Variants in SPIDR observed in about 807,000 individuals in gnomAD.
The protein encoded by SPIDR is DNA repair-scaffolding protein.
SPIDR carries 93 observed loss-of-function variants against 104.6 expected under a neutral mutation model. That is an observed-to-expected ratio of 0.89 (90% CI 0.75 to 1.06). The LOEUF is 1.06. Ranked by LOEUF, SPIDR falls within the 50% of genes least tolerant of loss-of-function variation. The pLI, the probability that SPIDR is intolerant of heterozygous loss-of-function variation, is 0.00. For synonymous variants in SPIDR, 431 were observed against 416.9 expected, an observed-to-expected ratio of 1.03 and a Z score of -0.41; for missense variants, 1,154 against 1,111.2, an observed-to-expected ratio of 1.04 and a Z score of -0.55.
chr8:47,512,142 C>G (rs898204083), intron 8 of SPIDR: 7 of 430,754 alleles, frequency 1.6e-5, no homozygotes, highest in Non-Finnish European at 3.0e-5. Flanking sequence ...GCTCCGCTGC[C>G]GTCTTCATCC....
chr8:47,392,742 C>A (rs782315667), intron 5 of SPIDR, among the ~76,000 whole-genome samples: 3 of 152,192 alleles, frequency 2.0e-5, no homozygotes, highest in Non-Finnish European at 4.4e-5. Flanking sequence ...CACAGCTGAG[C>A]ACATGTACCT....
intron 8 of SPIDR, among the ~76,000 whole-genome samples, chr8:47,567,315 G>C (rs1334403588): frequency 6.6e-6 from 1 of 151,922 alleles, no homozygotes; most frequent in East Asian, 1.9e-4. Context: ...TGCCTCCCGG[G>C]TTCAAGCAAT....
chr8:47,405,318 GTGTGTATATA>G (rs2062593111), intron 6 of SPIDR, among the ~76,000 whole-genome samples: 1 of 151,484 alleles, frequency 6.6e-6, no homozygotes, highest in Admixed American at 6.6e-5. Context: ...GTGTGTGTGT[GTGTGTATATA>G]TGTGTGTGTG....
At chr8:47,661,799 C>T (rs2074151496) in intron 10 of SPIDR, among the ~76,000 whole-genome samples, 1 of 152,214 alleles carries the variant, frequency 6.6e-6, no homozygotes. Flanking sequence ...TAGAGAATAT[C>T]CACTTGTCTT....
At chr8:47,313,453 G>C (rs1216517237) in intron 5 of SPIDR, among the ~76,000 whole-genome samples, 7 of 152,176 alleles carry the variant, frequency 4.6e-5, no homozygotes, top group Non-Finnish European at 7.3e-5. Context: ...CTCATGGGTA[G>C]AAAGAATCAA....
At chr8:47,395,151 C>G (rs531818961) in intron 5 of SPIDR, among the ~76,000 whole-genome samples, 1 of 152,032 alleles carries the variant, frequency 6.6e-6, no homozygotes, top group African/African-American at 2.4e-5. Flanking sequence ...GAGTTCGAGA[C>G]CAGCCTGGCC....
intron 8 of SPIDR, among the ~76,000 whole-genome samples, chr8:47,471,326 A>AC (rs1491321942): frequency 0.01 from 387 of 37,148 alleles, 2 homozygotes; most frequent in South Asian, 0.052. Context: ...ATTCAATGTC[A>AC]AAAAAAAAAA....
intron 8 of SPIDR, among the ~76,000 whole-genome samples, chr8:47,575,830 C>T (rs890503453): frequency 4.2e-5 from 6 of 143,138 alleles, no homozygotes; most frequent in African/African-American, 1.3e-4. Context: ...CATGGTGGTG[C>T]GCACCTATAA....
At chr8:47,682,272 AAAAC>A (rs1052543871) in intron 11 of SPIDR, among the ~76,000 whole-genome samples, 11 of 150,392 alleles carry the variant, frequency 7.3e-5, no homozygotes, top group African/African-American at 1.5e-4. Context: ...AAAAAAAAAA[AAAAC>A]CCAGACACAA....
chr8:47,367,973 A>G (rs912360595), intron 5 of SPIDR, among the ~76,000 whole-genome samples: 1 of 152,160 alleles, frequency 6.6e-6, no homozygotes, highest in Admixed American at 6.5e-5. Context: ...CCAAAGTACC[A>G]CAGATCGAGT....
intron 10 of SPIDR, among the ~76,000 whole-genome samples, chr8:47,604,942 A>G (rs1056728430): frequency 6.6e-6 from 1 of 152,146 alleles, no homozygotes; most frequent in Admixed American, 6.5e-5. Context: ...ATGTACATTC[A>G]TTTTGTTTGC....
intron 8 of SPIDR, among the ~76,000 whole-genome samples, chr8:47,539,229 T>C (rs1015012989): frequency 6.6e-6 from 1 of 152,208 alleles, no homozygotes; most frequent in African/African-American, 2.4e-5. Context: ...TACCCGTTAC[T>C]GCACTAGCGG....
Position 47,559,796 on chromosome 8 carries a change from G to A in SPIDR, c.1098-36015G>A, listed in dbSNP as rs1019986632. Among the ~76,000 whole-genome samples the A allele has an allele frequency of 2.6e-5, 4 of 152,322 alleles. 1 individual carries two copies. In the South Asian group the frequency reaches 8.3e-4, roughly 32 times the overall value. On this transcript the variant is annotated intron_variant, in intron 8 of 19. Transcript: ENST00000297423. ...TTGGTAGGAAAGACTCTATGTGATT[G>A]CATCTTGTATCTTCCATTACCCAAA...
At chr8:47,550,399 C>G (rs1161757027) in intron 8 of SPIDR, among the ~76,000 whole-genome samples, 1 of 152,112 alleles carries the variant, frequency 6.6e-6, no homozygotes, top group Non-Finnish European at 1.5e-5. Flanking sequence ...TATCCATGAG[C>G]ATGGAATGTT....
intron 16 of SPIDR, among the ~76,000 whole-genome samples, chr8:47,724,184 G>T (rs1356591996): frequency 6.6e-6 from 1 of 152,126 alleles, no homozygotes; most frequent in Non-Finnish European, 1.5e-5. Flanking sequence ...CTCATGTAGG[G>T]TTCAAGATTT....
At chr8:47,518,494 G>T (rs2042031115) in intron 8 of SPIDR, among the ~76,000 whole-genome samples, 1 of 152,002 alleles carries the variant, frequency 6.6e-6, no homozygotes, top group African/African-American at 2.4e-5. Context: ...AAATGTTATG[G>T]TGGTCCCATT....
chr8:47,504,300 A>G (rs568203446), intron 8 of SPIDR, among the ~76,000 whole-genome samples: 1 of 152,282 alleles, frequency 6.6e-6, no homozygotes, highest in African/African-American at 2.4e-5. Flanking sequence ...GTCTTTTCAC[A>G]TAGTCCCATA....
At position 47,516,104 on chromosome 8, in the gene SPIDR, C is replaced by T. The variant is rs531596269; in HGVS notation, c.1097+75562C>T. ...GATTACAGGCGTGAGCCACTGCGCC[C>T]GGCCAGTGTCTGCTTTTTAAGACAC... On this transcript the variant is annotated intron_variant, in intron 8 of 19. Coordinates refer to ENST00000297423, the MANE Select transcript of SPIDR (RefSeq NM_001080394.4). 4.6e-5 allele frequency among the ~76,000 whole-genome samples: 7 copies of T among 152,340 alleles called. No homozygotes were observed. The South Asian group carries it at 6.2e-4, about 14-fold the overall frequency.
chr8:47,590,418 C>G (rs1248622017), intron 8 of SPIDR, among the ~76,000 whole-genome samples: 1 of 152,062 alleles, frequency 6.6e-6, no homozygotes, highest in South Asian at 2.1e-4. Context: ...TTGAGACTTC[C>G]TCTTTGACCC....
Sources: gnomAD v4.1 joint callset for allele counts (sites outside exome capture counted in the v4.1 genomes callset) on GRCh38, gnomAD v4.1.1 for gene constraint, MANE v1.5 for transcripts, NCBI Gene and HGNC (gene_info 2026-07-23, HGNC 2026-07-21) for gene names.